LRP1B: variants seen among roughly 807,000 people sequenced by gnomAD.
The protein encoded by LRP1B is low-density lipoprotein receptor-related protein 1B.
Under a neutral mutation model 556.6 loss-of-function variants are expected in LRP1B, and 217 were observed. That is an observed-to-expected ratio of 0.39 (90% CI 0.35 to 0.44). LRP1B has a LOEUF of 0.44. Among genes scored for constraint, LRP1B ranks in the 20% least tolerant of loss-of-function variants. The probability of loss-of-function intolerance (pLI) is 1.00; values close to 1 mark genes in which losing one functional copy is unlikely to be tolerated. For missense variants in LRP1B, 5,053 were observed against 5,620.8 expected (o/e 0.90, Z 3.23); for synonymous variants, 2,047 against 1,865.8 (o/e 1.10, Z -2.50).
intron 1 of LRP1B, among the ~76,000 whole-genome samples, chr2:142,108,904 C>T (rs1706859047): frequency 6.6e-6 from 1 of 152,130 alleles, no homozygotes; most frequent in South Asian, 2.1e-4. Context: ...TGTCTCCAGC[C>T]TTCAGCTAAA....
chr2:141,607,982 T>G (rs1160250584), intron 2 of LRP1B, among the ~76,000 whole-genome samples: 1 of 152,098 alleles, frequency 6.6e-6, no homozygotes, highest in African/African-American at 2.4e-5. Context: ...TCCAGCACTT[T>G]GGGAGGCCAA....
chr2:141,076,692 C>T (rs745841009), intron 7 of LRP1B, among the ~76,000 whole-genome samples: 1 of 152,092 alleles, frequency 6.6e-6, no homozygotes, highest in African/African-American at 2.4e-5. Flanking sequence ...TTTAACCAGC[C>T]CTCTCTTCCC....
chr2:141,152,387 G>T (rs536986811), intron 7 of LRP1B, among the ~76,000 whole-genome samples: 1 of 151,810 alleles, frequency 6.6e-6, no homozygotes, highest in Non-Finnish European at 1.5e-5. Flanking sequence ...CAGCTAATAA[G>T]TAATGTATCT....
intron 7 of LRP1B, among the ~76,000 whole-genome samples, chr2:141,089,245 T>C (rs2104905810): frequency 6.6e-6 from 1 of 152,318 alleles, no homozygotes; most frequent in African/African-American, 2.4e-5. Context: ...GTATTGTTTT[T>C]TATGATTTCA....
At chr2:141,397,804 C>T (rs950943109) in intron 3 of LRP1B, among the ~76,000 whole-genome samples, 1 of 150,280 alleles carries the variant, frequency 6.7e-6, no homozygotes, top group Admixed American at 6.7e-5. Context: ...TTTTTATATA[C>T]AATTATATAT....
intron 41 of LRP1B, among the ~76,000 whole-genome samples, chr2:140,605,019 G>A (rs1461758995): frequency 2.6e-5 from 4 of 152,088 alleles, no homozygotes; most frequent in South Asian, 2.1e-4. Flanking sequence ...ACCCAGTCTC[G>A]GGTATGTCTT....
At chr2:141,156,751 C>T (rs1166804282) in intron 7 of LRP1B, among the ~76,000 whole-genome samples, 1 of 152,068 alleles carries the variant, frequency 6.6e-6, no homozygotes, top group East Asian at 1.9e-4. Context: ...GCATAGGAAA[C>T]CCAATGGCAT....
chr2:142,114,313 G>A (rs1707107929), intron 1 of LRP1B, among the ~76,000 whole-genome samples: 1 of 152,070 alleles, frequency 6.6e-6, no homozygotes, highest in South Asian at 2.1e-4. Context: ...ATCATAAGAA[G>A]TAATCATAGT....
At chr2:140,497,029 T>C (rs923552100) in intron 55 of LRP1B, among the ~76,000 whole-genome samples, 8 of 151,738 alleles carry the variant, frequency 5.3e-5, no homozygotes, top group South Asian at 4.1e-4. Context: ...AAACAATTTA[T>C]GGTTAGAATT....
intron 41 of LRP1B, among the ~76,000 whole-genome samples, chr2:140,690,193 A>C (rs2105396934): frequency 6.6e-6 from 1 of 152,156 alleles, no homozygotes; most frequent in African/African-American, 2.4e-5. Context: ...CACACAAACA[A>C]AACCTTACAA....
In LRP1B at chr2:140,503,098, G is replaced by C. The variant is rs529890891; in HGVS notation, c.8527C>G (p.Arg2843Gly). The C allele has an allele frequency of 6.6e-4, 1,057 of 1,612,396 alleles. 20 individuals are homozygous for C. The South Asian group carries it at 0.011, about 17-fold the overall frequency. ...CTAAATTCTTCTGTACCACACTGTCGATATCCTAGAGACGCAGAAAAAACA... is the reference window on the plus strand; with the variant it reads ...CTAAATTCTTCTGTACCACACTGTCCATATCCTAGAGACGCAGAAAAAACA... The part of the protein sequence containing the change: ...GSDESPQCGY[R>G]QCGTEEFSCA... Residue 2843 changes from arginine to glycine, a missense_variant, in exon 54 of 91, where the codon CGA becomes GGA. Physicochemically the swap from Arg to Gly is moderately radical, Grantham distance 125 (BLOSUM62 -2). Around this residue, in one of 5 missense-constraint regions of LRP1B, gnomAD observed 3,619 missense variants for 3,931.9 expected, o/e 0.92. Transcript: ENST00000389484.
intron 1 of LRP1B, among the ~76,000 whole-genome samples, chr2:141,890,771 T>G (rs1053984661): frequency 3.9e-5 from 6 of 152,154 alleles, no homozygotes; most frequent in Non-Finnish European, 8.8e-5. Context: ...CCTTACCTTT[T>G]GCTTGTACTT....
chr2:140,777,134 C>T (rs1185905201), intron 32 of LRP1B, among the ~76,000 whole-genome samples: 2 of 152,074 alleles, frequency 1.3e-5, no homozygotes, highest in African/African-American at 4.8e-5. Flanking sequence ...TTAGACTTAT[C>T]AAGAAGAATA....
At chr2:140,732,909 G>A (rs1314580150) in intron 35 of LRP1B, among the ~76,000 whole-genome samples, 1 of 152,086 alleles carries the variant, frequency 6.6e-6, no homozygotes, top group Non-Finnish European at 1.5e-5. Context: ...CTTAAGAAGG[G>A]TAGATCAAGG....
chr2:141,014,021 G>A (rs986920294), intron 13 of LRP1B, among the ~76,000 whole-genome samples: 3 of 151,842 alleles, frequency 2.0e-5, no homozygotes, highest in Non-Finnish European at 4.4e-5. Flanking sequence ...TCTATGGCAC[G>A]AAAAATACGG....
intron 51 of LRP1B, among the ~76,000 whole-genome samples, chr2:140,512,301 T>G (rs1689701858): frequency 6.6e-6 from 1 of 152,180 alleles, no homozygotes; most frequent in Admixed American, 6.5e-5. Flanking sequence ...CAACAGATTT[T>G]GTGTTAAGAA....
Position 141,624,036 on chromosome 2 carries a change from C to CAAAAAAAAAAAAAA in LRP1B, c.206-143504_206-143503insTTTTTTTTTTTTTT. ...AACTCAAAAAAAAAAAAAAATTAAA[C>CAAAAAAAAAAAAAA]AAAAAAAAAAAGAAAAGAAAAAAAA... On this transcript the variant is annotated intron_variant, in intron 2 of 90. Coordinates refer to ENST00000389484, the MANE Select transcript of LRP1B (RefSeq NM_018557.3). Among the ~76,000 whole-genome samples the CAAAAAAAAAAAAAA allele has an allele frequency of 1.3e-3, 117 of 90,608 alleles. 2 individuals carry two copies. The highest frequency in any genetic ancestry group is 2.6e-3 in the East Asian group (7 of 2,704). The allele number at this position is 90,608 out of a possible 152,430, so 59.4% of individuals were successfully genotyped here.
At chr2:140,666,428 T>C (rs1298207676) in intron 41 of LRP1B, among the ~76,000 whole-genome samples, 3 of 152,056 alleles carry the variant, frequency 2.0e-5, no homozygotes, top group East Asian at 1.9e-4. Context: ...TAACCAGTAC[T>C]GAAACTCCTC....
At chr2:140,415,112 G>A (rs1685132114) in intron 66 of LRP1B, among the ~76,000 whole-genome samples, 1 of 152,066 alleles carries the variant, frequency 6.6e-6, no homozygotes, top group South Asian at 2.1e-4. Flanking sequence ...TACTAGGGTG[G>A]GGAAAAACTC....
Sources: gnomAD v4.1 joint callset for allele counts (sites outside exome capture counted in the v4.1 genomes callset) on GRCh38, gnomAD v4.1.1 for gene constraint, gnomAD v4.1.1 regional missense constraint, MANE v1.5 for transcripts, NCBI Gene and HGNC (gene_info 2026-07-23, HGNC 2026-07-21) for gene names.